Variants in PIK3CB observed in about 807,000 individuals in gnomAD.
The protein encoded by PIK3CB is phosphatidylinositol-4,5-bisphosphate 3-kinase catalytic subunit beta, also known as phosphatidylinositol 4,5-bisphosphate 3-kinase catalytic subunit beta isoform.
A neutral mutation model predicts 136.8 loss-of-function variants in PIK3CB; 39 were observed. The observed-to-expected ratio is 0.29, with a 90% CI of 0.22 to 0.37. The LOEUF (loss-of-function observed/expected upper bound fraction) is 0.37, where lower values mean the gene tolerates loss of function less well. PIK3CB is among the 10% of genes least tolerant of loss of function. The pLI, the probability that PIK3CB is intolerant of heterozygous loss-of-function variation, is 1.00. For missense variants in PIK3CB, 868 were observed against 1,275.4 expected (o/e 0.68, Z 4.87); for synonymous variants, 428 against 436.6 (o/e 0.98, Z 0.25).
intron 8 of PIK3CB, among the ~76,000 whole-genome samples, chr3:138,718,658 G>A (rs187300649): frequency 6.6e-6 from 1 of 152,252 alleles, no homozygotes; most frequent in East Asian, 1.9e-4. Context: ...GGTTTTACAT[G>A]TAAAGTAAAT....
At chr3:138,832,761 G>A (rs1344192130) in intron 1 of PIK3CB, among the ~76,000 whole-genome samples, 3 of 151,380 alleles carry the variant, frequency 2.0e-5, no homozygotes, top group Admixed American at 6.6e-5. Flanking sequence ...CCCGGGAGGC[G>A]GAGGTTGCGG....
chr3:138,703,140 T>C (rs2044289266), intron 12 of PIK3CB, among the ~76,000 whole-genome samples: 1 of 152,208 alleles, frequency 6.6e-6, no homozygotes, highest in Admixed American at 6.5e-5. Flanking sequence ...CTGTAAAGAC[T>C]AGGAGTCTGG....
At chr3:138,689,392 C>T (rs906808620) in intron 15 of PIK3CB, among the ~76,000 whole-genome samples, 1 of 152,208 alleles carries the variant, frequency 6.6e-6, no homozygotes, top group African/African-American at 2.4e-5. Context: ...CCCCTTCATA[C>T]TTGCGATTCT....
intron 1 of PIK3CB, among the ~76,000 whole-genome samples, chr3:138,811,786 T>C (rs1298961199): frequency 1.3e-5 from 2 of 151,784 alleles, no homozygotes; most frequent in South Asian, 2.1e-4. Context: ...CAGAGAATTA[T>C]GCTGACTGAA....
At chr3:138,798,164 CTTTT>C (rs925701804) in intron 1 of PIK3CB, among the ~76,000 whole-genome samples, 2 of 151,658 alleles carry the variant, frequency 1.3e-5, no homozygotes, top group Non-Finnish European at 2.9e-5. Flanking sequence ...ATTTATTTAT[CTTTT>C]TTTTCTTTTT....
chr3:138,828,118 T>C (rs1933863938), intron 1 of PIK3CB, among the ~76,000 whole-genome samples: 1 of 152,082 alleles, frequency 6.6e-6, no homozygotes. Flanking sequence ...ACATTGTACA[T>C]TCAATCAAAA....
chr3:138,825,937 C>T, intron 1 of PIK3CB: 1 of 1,557,360 alleles, frequency 6.4e-7, no homozygotes, highest in Non-Finnish European at 8.6e-7. Context: ...GCAAAAATGA[C>T]CCACCAATGG....
At chr3:138,830,422 C>T (rs1049647565) in intron 1 of PIK3CB, among the ~76,000 whole-genome samples, 1 of 152,012 alleles carries the variant, frequency 6.6e-6, no homozygotes, top group East Asian at 1.9e-4. Flanking sequence ...CGTGGTAGCG[C>T]ACGCCTTGTA....
chr3:138,697,421 G>GATGT (rs112632557), intron 13 of PIK3CB, among the ~76,000 whole-genome samples: 1 of 150,780 alleles, frequency 6.6e-6, no homozygotes, highest in African/African-American at 2.5e-5. Context: ...TGTCTCCAAA[G>GATGT]ATTTATTTAT....
chr3:138,762,660 A>G (rs2045678108), intron 2 of PIK3CB, among the ~76,000 whole-genome samples: 1 of 152,150 alleles, frequency 6.6e-6, no homozygotes, highest in Non-Finnish European at 1.5e-5. Flanking sequence ...TTAACTTATA[A>G]AGACCATACT....
intron 1 of PIK3CB, among the ~76,000 whole-genome samples, chr3:138,812,995 G>A (rs1006695843): frequency 6.6e-6 from 1 of 152,120 alleles, no homozygotes; most frequent in African/African-American, 2.4e-5. Flanking sequence ...AGTCAGTTTC[G>A]TGGCTGTGGT....
chr3:138,737,394 C>CAAAAAAAAAAAAAAAAAAAAAAAAAAA lies in PIK3CB; in HGVS notation c.801+286_801+312dup, dbSNP rs11344311. On this transcript the variant is annotated intron_variant, in intron 6 of 23. Coordinates refer to ENST00000674063, the MANE Select transcript of PIK3CB (RefSeq NM_006219.3). ...TAGGCGACAGAGCAACACTCTGTCT[C>CAAAAAAAAAAAAAAAAAAAAAAAAAAA]AAAAAAAAAAAAAAAAAAAAAAAAA... Among the ~76,000 whole-genome samples, 4 of 39,076 alleles carry CAAAAAAAAAAAAAAAAAAAAAAAAAAA rather than the reference C, an allele frequency of 1.0e-4. 2 individuals carry two copies. Among genetic ancestry groups the CAAAAAAAAAAAAAAAAAAAAAAAAAAA allele is most frequent in the African/African-American group, 2.1e-4 (2 of 9,332 alleles). The allele number at this position is 39,076 out of a possible 152,430, so 25.6% of individuals were successfully genotyped here. A position where few individuals can be genotyped will look rare whatever the true frequency, so the allele number is the denominator to read the frequency against.
At chr3:138,801,048 C>G (rs1266496833) in intron 1 of PIK3CB, among the ~76,000 whole-genome samples, 1 of 152,130 alleles carries the variant, frequency 6.6e-6, no homozygotes, top group Non-Finnish European at 1.5e-5. Context: ...TTTCTTCTTA[C>G]TCAATTCATT....
At position 138,737,863 on chromosome 3, in the gene PIK3CB, A is replaced by G; in HGVS notation, c.645T>C (p.Ser215=). The G allele has an allele frequency of 1.2e-6, 2 of 1,602,962 alleles. No homozygotes were observed. Among genetic ancestry groups the G allele is most frequent in the Non-Finnish European group, 1.7e-6 (2 of 1,174,038 alleles). The change falls in exon 6 of 24, where the codon TCT becomes TCC. Residue 215 remains serine (S), a synonymous_variant. Coordinates refer to ENST00000674063, the MANE Select transcript of PIK3CB (RefSeq NM_006219.3). ...TTACTTTGATAGGATTCATATTAGG[A>G]GACACTTGAAAGCTAAACACGTCCT... ...NCQDVFSFQV[S]PNMNPIKVNE... is the part of the protein sequence containing the mutation.
intron 2 of PIK3CB, among the ~76,000 whole-genome samples, chr3:138,764,925 C>G (rs2045711558): frequency 6.6e-6 from 1 of 152,222 alleles, no homozygotes; most frequent in South Asian, 2.1e-4. Flanking sequence ...ACTCATCTCT[C>G]CCTAGTCTCA....
chr3:138,733,846 C>T (rs1374027719), intron 7 of PIK3CB, among the ~76,000 whole-genome samples: 1 of 152,030 alleles, frequency 6.6e-6, no homozygotes, highest in African/African-American at 2.4e-5. Flanking sequence ...CCACTGCACT[C>T]CAGCCTGGGC....
chr3:138,710,252 A>C (rs932953535), intron 10 of PIK3CB, among the ~76,000 whole-genome samples: 1 of 152,142 alleles, frequency 6.6e-6, no homozygotes, highest in Non-Finnish European at 1.5e-5. Context: ...GGAATAACAT[A>C]ATTAGTGAAA....
rs1043751020 is a variant in PIK3CB at position 138,653,170 on chromosome 3, T to C, written c.*2219A>G. ...TGGAGATGTCAATTTGTCTCAACCT[T>C]GTCTATAGCTTAATGCAATTTGATT... On this transcript the variant is annotated 3_prime_UTR_variant, in exon 24 of 24. Coordinates refer to ENST00000674063, the MANE Select transcript of PIK3CB (RefSeq NM_006219.3). 1 of 181,096 alleles carries C rather than the reference T, an allele frequency of 5.5e-6. No homozygotes were observed. 11.2% of individuals were successfully genotyped at this position (181,096 alleles called of 1,614,324 possible). A position where few individuals can be genotyped will look rare whatever the true frequency, so the allele number is the denominator to read the frequency against.
At chr3:138,767,321 T>C (rs1162926896) in intron 2 of PIK3CB, among the ~76,000 whole-genome samples, 2 of 152,214 alleles carry the variant, frequency 1.3e-5, no homozygotes, top group East Asian at 1.9e-4. Flanking sequence ...ATCCATTACC[T>C]AACAGTAGCA....
Sources: gnomAD v4.1 joint callset for allele counts (sites outside exome capture counted in the v4.1 genomes callset) on GRCh38, gnomAD v4.1.1 for gene constraint, MANE v1.5 for transcripts, NCBI Gene and HGNC (gene_info 2026-07-23, HGNC 2026-07-21) for gene names.